MEGF10: variants seen among roughly 807,000 people sequenced by gnomAD.
The protein encoded by MEGF10 is multiple EGF like domains 10.
MEGF10 carries 86 observed loss-of-function variants against 147.5 expected under a neutral mutation model. That is an observed-to-expected ratio of 0.58 (90% CI 0.49 to 0.70). The LOEUF (loss-of-function observed/expected upper bound fraction) is 0.70, where lower values mean the gene tolerates loss of function less well. Ranked by LOEUF, MEGF10 falls within the 30% of genes least tolerant of loss-of-function variation. MEGF10 has a pLI of 0.00. For missense variants in MEGF10, 1,329 were observed against 1,487.3 expected (o/e 0.89, Z 1.75); for synonymous variants, 478 against 525.5 (o/e 0.91, Z 1.24).
At chr5:127,410,095 C>G (rs1414788287) in intron 8 of MEGF10, among the ~76,000 whole-genome samples, 1 of 152,182 alleles carries the variant, frequency 6.6e-6, no homozygotes, top group East Asian at 1.9e-4. Context: ...TTGGCAAGCA[C>G]TAAGTGTAAA....
chr5:127,409,204 G>C (rs1764456541), intron 8 of MEGF10, among the ~76,000 whole-genome samples: 1 of 152,212 alleles, frequency 6.6e-6, no homozygotes, highest in Non-Finnish European at 1.5e-5. Flanking sequence ...TTTGAAGTAT[G>C]TTTCTTTTCT....
intron 5 of MEGF10, among the ~76,000 whole-genome samples, chr5:127,374,512 TA>T (rs112609571): frequency 0.24 from 36,633 of 151,782 alleles, 5,296 homozygotes; most frequent in African/African-American, 0.42. Flanking sequence ...TTCCTATACA[TA>T]AAAAAAACCC....
chr5:127,447,777 T>C, intron 21 of MEGF10, 93 bp downstream of exon 21: 1 of 1,472,768 alleles, frequency 6.8e-7, no homozygotes, highest in Non-Finnish European at 9.3e-7. Flanking sequence ...CAGAGGCTGT[T>C]CTAGGTACTT....
At chr5:127,265,385 T>G in the MEGF10 span, among the ~76,000 whole-genome samples, 7 of 152,218 alleles carry the variant, frequency 4.6e-5, no homozygotes, top group Admixed American at 4.6e-4. Flanking sequence ...AACATAGGTG[T>G]GCCTGTGTCT....
chr5:127,404,642 G>A (rs1488249080), intron 8 of MEGF10, among the ~76,000 whole-genome samples: 1 of 152,116 alleles, frequency 6.6e-6, no homozygotes, highest in Middle Eastern at 3.2e-3. Context: ...TTTGAGAAGA[G>A]ACTTGAGAGG....
chr5:127,460,855 T>C lies in MEGF10; in HGVS notation c.*3537T>C, dbSNP rs756636870. 5 of 152,170 alleles carry C rather than the reference T, an allele frequency of 3.3e-5. No individual in the cohort carries two copies. Among genetic ancestry groups the C allele is most frequent in the African/African-American group, 4.8e-5 (2 of 41,438 alleles). 9.4% of individuals were successfully genotyped at this position (152,170 alleles called of 1,614,324 possible). On this transcript the variant is annotated 3_prime_UTR_variant, in exon 25 of 25. Coordinates refer to ENST00000503335, the MANE Select transcript of MEGF10 (RefSeq NM_001256545.2). ...TTAAAGGCTTCACATCATGAAAGTG[T>C]ACATGCATATGCAAGTGTGAATTAC...
At chr5:127,323,974 G>A (rs971771447) in intron 1 of MEGF10, among the ~76,000 whole-genome samples, 1 of 152,112 alleles carries the variant, frequency 6.6e-6, no homozygotes, top group African/African-American at 2.4e-5. Context: ...AAGTGAGATG[G>A]GAATTTCAGT....
intron 22 of MEGF10, among the ~76,000 whole-genome samples, chr5:127,449,501 A>T (rs1476259936): frequency 6.6e-6 from 1 of 152,188 alleles, no homozygotes; most frequent in East Asian, 1.9e-4. Flanking sequence ...ATGCCTGTTA[A>T]CTTAATTCTC....
Position 127,340,614 on chromosome 5 carries a change from C to A in MEGF10, c.303C>A (p.Ser101Arg). The A allele has an allele frequency of 4.3e-6, 7 of 1,612,414 alleles. No homozygotes were observed. Among genetic ancestry groups the A allele is most frequent in the Non-Finnish European group, 5.9e-6 (7 of 1,178,814 alleles). ...KSQCCPGFYE[S>R]GEMCVPHCAD... ...AGTGTTGTCCTGGATTTTATGAAAG[C>A]GGGGAAATGTGTGTCCGTAAGTAAG... Residue 101 changes from serine to arginine, a missense_variant, in exon 4 of 25, where the codon AGC becomes AGA. Physicochemically the swap from Ser to Arg is moderately radical, Grantham distance 110. Transcript: ENST00000503335.
At chr5:127,339,052 A>G (rs1761575274) in intron 2 of MEGF10, 68 bp from the exon 3 acceptor site, 1 of 950,472 alleles carries the variant, frequency 1.1e-6, no homozygotes, top group African/African-American at 1.7e-5. Flanking sequence ...ACAAACTTTT[A>G]AATACATAGT....
At chr5:127,293,979 T>G (rs1320753515) in intron 1 of MEGF10, among the ~76,000 whole-genome samples, 1 of 152,240 alleles carries the variant, frequency 6.6e-6, no homozygotes, top group African/African-American at 2.4e-5. Flanking sequence ...GATCTTGATC[T>G]TGTTACTATC....
intron 12 of MEGF10, 116 bp from the exon 13 acceptor site, chr5:127,422,554 G>C (rs1459046783): frequency 1.4e-6 from 1 of 716,104 alleles, no homozygotes; most frequent in East Asian, 2.7e-5. Flanking sequence ...ATCCCTGTAA[G>C]AAGCGTTTGG....
At position 127,440,728 on chromosome 5, in the gene MEGF10, T is replaced by A. The variant is rs1288651325; in HGVS notation, c.2234-11T>A. ...GCCTCTTGACTCCTACTGTCCTCCC[T>A]CCTCCCACAGGATGTCCTCTAGGGT... On this transcript the variant is annotated splice_polypyrimidine_tract_variant and intron_variant, in intron 17 of 24. Coordinates refer to ENST00000503335, the MANE Select transcript of MEGF10 (RefSeq NM_001256545.2). The A allele has an allele frequency of 1.2e-6, 2 of 1,613,368 alleles. No homozygotes were observed. Among genetic ancestry groups the A allele is most frequent in the Non-Finnish European group, 1.7e-6 (2 of 1,179,646 alleles).
At chr5:127,320,921 A>G (rs1760763839) in intron 1 of MEGF10, among the ~76,000 whole-genome samples, 1 of 152,242 alleles carries the variant, frequency 6.6e-6, no homozygotes, top group Non-Finnish European at 1.5e-5. Flanking sequence ...AAACATCTGT[A>G]CAGTGTAAAT....
At chr5:127,414,721 T>C (rs1360073208) in intron 9 of MEGF10, among the ~76,000 whole-genome samples, 1 of 152,240 alleles carries the variant, frequency 6.6e-6, no homozygotes, top group Non-Finnish European at 1.5e-5. Context: ...TTTCACTTAT[T>C]CATTCAATCT....
intron 4 of MEGF10, among the ~76,000 whole-genome samples, chr5:127,368,198 T>C (rs1762724200): frequency 1.3e-5 from 2 of 152,208 alleles, no homozygotes. Context: ...TGTGTTCATA[T>C]GTTACAGGCA....
chr5:127,435,498 T>C lies in MEGF10; in HGVS notation c.2104+9T>C. 1 of 1,610,874 alleles carries C rather than the reference T, an allele frequency of 6.2e-7. No homozygotes were observed. Among genetic ancestry groups the C allele is most frequent in the South Asian group, 1.1e-5 (1 of 90,282 alleles). On this transcript the variant is annotated intron_variant, in intron 16 of 24. Coordinates refer to ENST00000503335, the MANE Select transcript of MEGF10 (RefSeq NM_001256545.2). ...CAGTGACTGCTCTCAACGTAAGTCT[T>C]GTTTGAGAACAATTAATAAACTGTT...
chr5:127,438,471 A>C lies in MEGF10; in HGVS notation c.2137A>C (p.Ile713Leu), dbSNP rs1356008413. ...CPPAHWGPNC[I>L]HTCNCHNGAF... ...ACCTGCCCACTGGGGCCCAAACTGC[A>C]TCCACACGTGCAACTGCCATAATGG... The change falls in exon 17 of 25, where the codon ATC (isoleucine) becomes CTC (leucine). Residue 713 changes from isoleucine to leucine, a missense_variant. Around this residue, in one of 3 missense-constraint regions of MEGF10, gnomAD observed 980 missense variants for 1,085.9 expected, o/e 0.90. Coordinates refer to ENST00000503335, the MANE Select transcript of MEGF10 (RefSeq NM_001256545.2). The C allele has an allele frequency of 4.3e-6, 7 of 1,614,108 alleles. No homozygotes were observed. Among genetic ancestry groups the C allele is most frequent in the Non-Finnish European group, 5.9e-6 (7 of 1,179,982 alleles).
chr5:127,322,230 T>A (rs948245344), intron 1 of MEGF10, among the ~76,000 whole-genome samples: 1 of 152,136 alleles, frequency 6.6e-6, no homozygotes, highest in African/African-American at 2.4e-5. Flanking sequence ...TGTTTGGATG[T>A]TTCACCTTGA....
Sources: allele counts gnomAD v4.1 joint callset (sites outside exome capture counted in the v4.1 genomes callset), GRCh38; gene constraint gnomAD v4.1.1; regional missense constraint gnomAD v4.1.1; transcripts MANE v1.5; gene names NCBI Gene and HGNC (gene_info 2026-07-23, HGNC 2026-07-21).